The following CSMD3 variants were observed in gnomAD, a reference collection of about 807,000 sequenced individuals.
CSMD3 encodes CUB and sushi domain-containing protein 3.
A neutral mutation model predicts 435.2 loss-of-function variants in CSMD3; 177 were observed. The ratio of observed to expected loss-of-function variants is 0.41; its 90% CI spans 0.36 to 0.46. The LOEUF (loss-of-function observed/expected upper bound fraction) is 0.46. Ranked by LOEUF, CSMD3 falls within the 20% of genes least tolerant of loss-of-function variation. The pLI, the probability that CSMD3 is intolerant of heterozygous loss-of-function variation, is 0.34. For missense variants in CSMD3, 4,265 were observed against 4,504.6 expected (o/e 0.95, Z 1.52); for synonymous variants, 1,656 against 1,520.5 (o/e 1.09, Z -2.07).
At chr8:113,072,777 G>A (rs754307131) in intron 5 of CSMD3, among the ~76,000 whole-genome samples, 1 of 151,420 alleles carries the variant, frequency 6.6e-6, no homozygotes, top group African/African-American at 2.4e-5. Context: ...TCTAGCTGAT[G>A]AGCAAATTTC....
At chr8:112,266,438 G>A (rs1336302902) in intron 59 of CSMD3, among the ~76,000 whole-genome samples, 2 of 152,204 alleles carry the variant, frequency 1.3e-5, no homozygotes, top group Non-Finnish European at 2.9e-5. Flanking sequence ...AAGGCAGACT[G>A]CACATGAGCA....
intron 44 of CSMD3, among the ~76,000 whole-genome samples, chr8:112,336,208 C>A (rs1310524954): frequency 6.6e-6 from 1 of 152,016 alleles, no homozygotes; most frequent in Non-Finnish European, 1.5e-5. Flanking sequence ...CTGCACCTGG[C>A]CTTAATATAT....
chr8:112,788,957 C>T (rs1477908803), intron 13 of CSMD3, among the ~76,000 whole-genome samples: 2 of 152,044 alleles, frequency 1.3e-5, no homozygotes, highest in Non-Finnish European at 2.9e-5. Context: ...GCTTAAAAGC[C>T]CTCTTTATTC....
chr8:112,582,453 G>T (rs1424478751), intron 23 of CSMD3, among the ~76,000 whole-genome samples: 2 of 151,886 alleles, frequency 1.3e-5, no homozygotes, highest in Non-Finnish European at 2.9e-5. Flanking sequence ...TGGTATATTT[G>T]AGATACTGCA....
At chr8:113,161,638 T>C (rs2131835515) in intron 4 of CSMD3, among the ~76,000 whole-genome samples, 1 of 152,176 alleles carries the variant, frequency 6.6e-6, no homozygotes, top group Admixed American at 6.5e-5. Context: ...GATAGATACT[T>C]TTACCGGAAC....
intron 5 of CSMD3, among the ~76,000 whole-genome samples, chr8:113,081,118 G>T (rs1469747938): frequency 4.6e-5 from 7 of 152,162 alleles, no homozygotes; most frequent in Non-Finnish European, 7.4e-5. Flanking sequence ...CTGTGAAAAT[G>T]TAAGAAATTA....
chr8:112,612,709 C>CTTTTTTTTTTTTTTTT lies in CSMD3; in HGVS notation c.3715+24092_3715+24107dup, dbSNP rs532290154. ...TTTCTGAACTCTTTCTTTCTTTGTT[C>CTTTTTTTTTTTTTTTT]TTTTTTTTTTTTTTTTTTTTTTTTT... On this transcript the variant is annotated intron_variant, in intron 22 of 70. Transcript: ENST00000297405. Among the ~76,000 whole-genome samples the CTTTTTTTTTTTTTTTT allele has an allele frequency of 2.7e-4, 18 of 65,888 alleles. 1 individual carries two copies. The highest frequency in any genetic ancestry group is 4.9e-4 in the East Asian group (1 of 2,040). The allele number at this position is 65,888 out of a possible 152,430, so 43.2% of individuals were successfully genotyped here.
intron 24 of CSMD3, among the ~76,000 whole-genome samples, chr8:112,562,709 A>T (rs1303948322): frequency 6.6e-6 from 1 of 151,648 alleles, no homozygotes; most frequent in African/African-American, 2.4e-5. Flanking sequence ...ATTTGGGGGA[A>T]CTATATTTAA....
At chr8:112,255,652 A>T in intron 61 of CSMD3, 1 of 547,030 alleles carries the variant, frequency 1.8e-6, no homozygotes, top group Non-Finnish European at 3.2e-6. Flanking sequence ...GATGTTTTCC[A>T]CTTAGTAAGC....
chr8:112,303,417 A>T (rs1821115083), intron 52 of CSMD3, among the ~76,000 whole-genome samples: 1 of 152,054 alleles, frequency 6.6e-6, no homozygotes, highest in Admixed American at 6.6e-5. Flanking sequence ...AAAATTAGCC[A>T]GGCGTGGTGG....
At chr8:113,194,104 A>AC (rs2092622247) in intron 3 of CSMD3, among the ~76,000 whole-genome samples, 1 of 151,368 alleles carries the variant, frequency 6.6e-6, no homozygotes, top group East Asian at 1.9e-4. Flanking sequence ...CCTATACCAA[A>AC]ATATAACATT....
intron 4 of CSMD3, among the ~76,000 whole-genome samples, chr8:113,166,799 C>A (rs551558449): frequency 7.2e-4 from 110 of 152,118 alleles, no homozygotes; most frequent in Non-Finnish European, 9.0e-4. Context: ...GTACTTCATA[C>A]CTCAGTGTTA....
chr8:113,432,287 A>G (rs117103832), intron 1 of CSMD3, among the ~76,000 whole-genome samples: 1 of 152,298 alleles, frequency 6.6e-6, no homozygotes, highest in Non-Finnish European at 1.5e-5. Flanking sequence ...AATTGGGTTA[A>G]CTTAGCAACT....
intron 4 of CSMD3, among the ~76,000 whole-genome samples, chr8:113,123,749 T>C (rs1033197336): frequency 2.6e-5 from 4 of 151,966 alleles, no homozygotes; most frequent in African/African-American, 7.2e-5. Context: ...TTTTTGTGGG[T>C]AGAGAGTGCA....
At chr8:112,754,476 G>C (rs1468873246) in intron 13 of CSMD3, among the ~76,000 whole-genome samples, 1 of 150,068 alleles carries the variant, frequency 6.7e-6, no homozygotes, top group African/African-American at 2.4e-5. Flanking sequence ...GTGTTTTTTA[G>C]GAAAAAAAAA....
chr8:112,239,079 T>C (rs1049306047), intron 66 of CSMD3, among the ~76,000 whole-genome samples: 1 of 152,076 alleles, frequency 6.6e-6, no homozygotes, highest in Middle Eastern at 3.2e-3. Flanking sequence ...CACTGCTGAG[T>C]GTTCAAAATG....
intron 49 of CSMD3, among the ~76,000 whole-genome samples, chr8:112,311,879 G>A (rs374126225): frequency 6.6e-6 from 1 of 151,952 alleles, no homozygotes; most frequent in East Asian, 1.9e-4. Flanking sequence ...GGGCTTTGGG[G>A]GTAAATAGTA....
intron 13 of CSMD3, among the ~76,000 whole-genome samples, chr8:112,767,584 TTAAA>T (rs1008399088): frequency 9.2e-5 from 14 of 151,736 alleles, no homozygotes; most frequent in African/African-American, 3.4e-4. Flanking sequence ...TGTTTGGAGT[TTAAA>T]TAAATTAATA....
chr8:113,164,474 T>G (rs527686928), intron 4 of CSMD3, among the ~76,000 whole-genome samples: 1 of 151,172 alleles, frequency 6.6e-6, no homozygotes, highest in East Asian at 1.9e-4. Context: ...AAATATTTAA[T>G]GTATTTAGAC....
Sources: gnomAD v4.1 joint callset for allele counts (sites outside exome capture counted in the v4.1 genomes callset) on GRCh38, gnomAD v4.1.1 for gene constraint, MANE v1.5 for transcripts, NCBI Gene and HGNC (gene_info 2026-07-23, HGNC 2026-07-21) for gene names.